The following ARHGAP22 variants were observed in gnomAD, a reference collection of about 807,000 sequenced individuals.
ARHGAP22 encodes Rho GTPase activating protein 22, also known as rho GTPase-activating protein 22.
ARHGAP22 carries 48 observed loss-of-function variants against 59.1 expected under a neutral mutation model. The observed-to-expected ratio is 0.81, with a 90% CI of 0.64 to 1.03. The LOEUF is 1.03. Ranked by LOEUF, ARHGAP22 falls within the 50% of genes least tolerant of loss-of-function variation. ARHGAP22 has a pLI of 0.00. For missense variants in ARHGAP22, 1,015 were observed against 958.7 expected, an observed-to-expected ratio of 1.06 and a Z score of -0.78; for synonymous variants, 445 against 416.4, an observed-to-expected ratio of 1.07 and a Z score of -0.84.
In ARHGAP22 at chr10:48,580,007, C is replaced by T. The variant is rs545389945; in HGVS notation, c.234+2946G>A. On this transcript the variant is annotated intron_variant, in intron 2 of 9. Coordinates refer to ENST00000249601, the MANE Select transcript of ARHGAP22 (RefSeq NM_021226.4). ...CCTGGGCAGTGGGGTGCCATAGAAG[C>T]CAGGCTTTGTTGGGGGAAATGGGAA... Among the ~76,000 whole-genome samples, 23 of 152,182 alleles carry T rather than the reference C, an allele frequency of 1.5e-4. 1 individual carries two copies. In the South Asian group the frequency reaches 4.4e-3, roughly 29 times the overall value.
At chr10:48,520,613 T>C (rs1564810386) in intron 3 of ARHGAP22, among the ~76,000 whole-genome samples, 1 of 152,054 alleles carries the variant, frequency 6.6e-6, no homozygotes, top group Non-Finnish European at 1.5e-5. Flanking sequence ...GACAAGAAAT[T>C]GGTCTTGTTG....
At chr10:48,602,435 G>T (rs141831112) in intron 1 of ARHGAP22, among the ~76,000 whole-genome samples, 5 of 151,856 alleles carry the variant, frequency 3.3e-5, no homozygotes, top group East Asian at 1.9e-4. Context: ...AAATATATAC[G>T]AGTTAAAAAC....
At chr10:48,642,034 T>C (rs1222251448) in intron 1 of ARHGAP22, among the ~76,000 whole-genome samples, 1 of 152,202 alleles carries the variant, frequency 6.6e-6, no homozygotes, top group Non-Finnish European at 1.5e-5. Flanking sequence ...TTACAAGGGA[T>C]GTGAAGGTCC....
chr10:48,499,724 A>C (rs2051311358), intron 3 of ARHGAP22, among the ~76,000 whole-genome samples: 1 of 152,232 alleles, frequency 6.6e-6, no homozygotes, highest in African/African-American at 2.4e-5. Context: ...GTTCTAAGTC[A>C]ATGAACTGAA....
chr10:48,508,256 G>A (rs2052364771), intron 3 of ARHGAP22, among the ~76,000 whole-genome samples: 1 of 152,212 alleles, frequency 6.6e-6, no homozygotes. Context: ...CTGCAGTTGG[G>A]TATAACAGCC....
intron 3 of ARHGAP22, among the ~76,000 whole-genome samples, chr10:48,499,048 T>C (rs1589769306): frequency 6.6e-6 from 1 of 152,068 alleles, no homozygotes; most frequent in Non-Finnish European, 1.5e-5. Flanking sequence ...TTGGTGGTCA[T>C]CTTGCAGCCA....
chr10:48,606,227 C>T (rs1489974568), upstream of ARHGAP22, among the ~76,000 whole-genome samples: 1 of 152,146 alleles, frequency 6.6e-6, no homozygotes. Flanking sequence ...CCCAAGTGTC[C>T]TATTGGTATG....
At chr10:48,435,041 A>C in the ARHGAP22 span, 4 of 542,682 alleles carry the variant, frequency 7.4e-6, no homozygotes, top group East Asian at 7.4e-5. Context: ...TACTTGGGCC[A>C]TCGGGGGGTG....
chr10:48,605,092 C>T (rs1263666901), upstream of ARHGAP22: 2 of 1,308,792 alleles, frequency 1.5e-6, no homozygotes, highest in Non-Finnish European at 2.0e-6. Flanking sequence ...GCGGGGCAGT[C>T]CCTCCGCCTG....
At chr10:48,435,636 A>C in the ARHGAP22 span, 1 of 152,238 alleles carries the variant, frequency 6.6e-6, no homozygotes, top group Non-Finnish European at 1.5e-5. Context: ...TTGGTAGGCA[A>C]TCCTACTTAA....
chr10:48,479,145 G>A (rs187790017), intron 4 of ARHGAP22: 459 of 156,458 alleles, frequency 2.9e-3, no homozygotes, highest in Non-Finnish European at 4.8e-3. Context: ...GCCTTCGCAC[G>A]TGTCCATGTC....
chr10:48,441,973 G>A (rs2045213560), downstream of ARHGAP22, among the ~76,000 whole-genome samples: 1 of 152,198 alleles, frequency 6.6e-6, no homozygotes, highest in Non-Finnish European at 1.5e-5. Context: ...CTGTCCTACT[G>A]GAGATAATGC....
intron 1 of ARHGAP22, among the ~76,000 whole-genome samples, chr10:48,601,361 C>T (rs1189684745): frequency 1.3e-5 from 2 of 152,212 alleles, no homozygotes; most frequent in African/African-American, 4.8e-5. Flanking sequence ...TTCAAGTAGT[C>T]CTGCAGCCTT....
chr10:48,463,712 TCCCCTCTGTCACAGC>T (rs2047377522), intron 4 of ARHGAP22, among the ~76,000 whole-genome samples: 1 of 152,004 alleles, frequency 6.6e-6, no homozygotes, highest in South Asian at 2.1e-4. Flanking sequence ...CAGCTTTCCC[TCCCCTCTGTCACAGC>T]CCTGCCTGCC....
At chr10:48,583,908 C>T (rs544285987) in intron 1 of ARHGAP22, among the ~76,000 whole-genome samples, 274 of 152,328 alleles carry the variant, frequency 1.8e-3, no homozygotes, top group African/African-American at 6.0e-3. Context: ...GGTCCTTATT[C>T]TGGTTGATGG....
chr10:48,454,190 A>G (rs1413298834), intron 6 of ARHGAP22, 29 bp from the exon 7 acceptor site: 17 of 1,576,994 alleles, frequency 1.1e-5, no homozygotes, highest in Admixed American at 3.3e-5. Context: ...AATTTCAAAC[A>G]CCGGCAATGA....
chr10:48,641,629 G>A (rs1270125497), intron 1 of ARHGAP22, among the ~76,000 whole-genome samples: 2 of 152,112 alleles, frequency 1.3e-5, no homozygotes, highest in Non-Finnish European at 2.9e-5. Flanking sequence ...CAAACCCACA[G>A]CCAATATCAT....
Position 48,479,773 on chromosome 10 carries a change from C to A in ARHGAP22, c.323-9G>T. 6.4e-7 allele frequency: 1 copy of A among 1,570,016 alleles called. No individual in the cohort carries two copies. Among genetic ancestry groups the A allele is most frequent in the East Asian group, 2.3e-5 (1 of 43,930 alleles). On this transcript the variant is annotated splice_polypyrimidine_tract_variant and intron_variant, in intron 3 of 9. Coordinates refer to ENST00000249601, the MANE Select transcript of ARHGAP22 (RefSeq NM_021226.4). Reference sequence around the variant, plus strand: ...CCGCTCCCCGGCACCACCTGCAAGACAGGGAGACACAGGCTTACGCAGGGT... The same window carrying A: ...CCGCTCCCCGGCACCACCTGCAAGAAAGGGAGACACAGGCTTACGCAGGGT...
intron 1 of ARHGAP22, among the ~76,000 whole-genome samples, chr10:48,628,829 G>A (rs939201772): frequency 1.2e-4 from 18 of 152,112 alleles, no homozygotes; most frequent in African/African-American, 4.1e-4. Flanking sequence ...GACATATCTT[G>A]CAGTAAGAGG....
Sources: allele counts gnomAD v4.1 joint callset (sites outside exome capture counted in the v4.1 genomes callset), GRCh38; gene constraint gnomAD v4.1.1; transcripts MANE v1.5; gene names NCBI Gene and HGNC (gene_info 2026-07-23, HGNC 2026-07-21).